Variants in DSG2 observed in about 807,000 individuals in gnomAD.
The protein encoded by DSG2 is desmoglein 2.
Under a neutral mutation model 75.6 loss-of-function variants are expected in DSG2, and 45 were observed. The ratio of observed to expected loss-of-function variants is 0.60; its 90% confidence interval spans 0.47 to 0.76. DSG2 has a LOEUF of 0.76. DSG2 is among the 30% of genes least tolerant of loss of function. The pLI is 0.00. For missense variants in DSG2, 1,267 were observed against 1,357.4 expected (o/e 0.93, Z 1.05); for synonymous variants, 429 against 483.9 (o/e 0.89, Z 1.49).
At chr18:31,527,891 C>T (rs1234633153) in intron 8 of DSG2, among the ~76,000 whole-genome samples, 1 of 152,190 alleles carries the variant, frequency 6.6e-6, no homozygotes, top group Non-Finnish European at 1.5e-5. Context: ...CTTGTTGTAT[C>T]ATCACATAGT....
At chr18:31,529,469 A>G (rs1197592529) in intron 8 of DSG2, among the ~76,000 whole-genome samples, 3 of 152,206 alleles carry the variant, frequency 2.0e-5, no homozygotes, top group Admixed American at 1.3e-4. Flanking sequence ...ACAAGCTTTC[A>G]CAAAGATATT....
chr18:31,548,454 A>G lies in DSG2; in HGVS notation c.*1711A>G, dbSNP rs1202824103. The G allele has an allele frequency of 8.8e-6, 1 of 113,110 alleles. No individual in the cohort carries two copies. Among genetic ancestry groups the G allele is most frequent in the African/African-American group, 4.4e-5 (1 of 22,542 alleles). 7.0% of individuals were successfully genotyped at this position (113,110 alleles called of 1,614,324 possible). A position where few individuals can be genotyped will look rare whatever the true frequency, so the allele number is the denominator to read the frequency against. ...GGATTTATATAGTGTGCTCCCACTA[A>G]CTGTACAGATCAGGACACATATTTT... On this transcript the variant is annotated 3_prime_UTR_variant, in exon 15 of 15. Transcript: ENST00000261590.
intron 2 of DSG2, 141 bp downstream of exon 2, chr18:31,518,415 C>A: frequency 1.4e-6 from 1 of 739,180 alleles, no homozygotes; most frequent in Non-Finnish European, 2.4e-6. Flanking sequence ...TGCAGAGGAG[C>A]TTATCCAGGG....
At chr18:31,524,999 C>A in intron 8 of DSG2, 111 bp downstream of exon 8, 5 of 1,031,758 alleles carry the variant, frequency 4.8e-6, no homozygotes, top group Non-Finnish European at 7.4e-6. Flanking sequence ...AATTAACTAG[C>A]ACTACAGTTG....
rs745617885 is a variant in DSG2 at position 31,546,024 on chromosome 18, A to C, written c.2638A>C (p.Asn880His). The C allele has an allele frequency of 1.3e-5, 21 of 1,614,218 alleles. No homozygotes were observed. The South Asian group carries it at 2.2e-4, about 17-fold the overall frequency. Reference protein sequence around the residue: ...LCEQTMVNSENTYSSGSSFPV... With the variant: ...LCEQTMVNSEHTYSSGSSFPV... ...TGAGCAAACTATGGTTAATTCAGAG[A>C]ATACCTACTCCTCTGGCAGTAGCTT... Residue 880 changes from asparagine (N) to histidine (H), a missense_variant, in exon 15 of 15, where the codon AAT (asparagine) becomes CAT (histidine). Physicochemically the swap from Asn to His is moderately conservative, Grantham distance 68. Coordinates refer to ENST00000261590, the MANE Select transcript of DSG2 (RefSeq NM_001943.5).
Position 31,539,825 on chromosome 18 carries a change from A to G in DSG2, c.1879+847A>G, listed in dbSNP as rs190220842. 1.4e-3 allele frequency among the ~76,000 whole-genome samples: 211 copies of G among 152,278 alleles called. 1 individual carries two copies. Among genetic ancestry groups the G allele is most frequent in the African/African-American group, 4.2e-3 (174 of 41,562 alleles). Reference sequence around the variant, plus strand: ...GTGGTGGAAGAGTGAGTGAAGCTTCATCTGTATTTACAGCCACTCCCCATC... The same window carrying G: ...GTGGTGGAAGAGTGAGTGAAGCTTCGTCTGTATTTACAGCCACTCCCCATC... On this transcript the variant is annotated intron_variant, in intron 12 of 14. Coordinates refer to ENST00000261590, the MANE Select transcript of DSG2 (RefSeq NM_001943.5).
intron 10 of DSG2, among the ~76,000 whole-genome samples, chr18:31,535,733 C>T (rs897656971): frequency 8.0e-5 from 12 of 149,760 alleles, no homozygotes; most frequent in African/African-American, 2.2e-4. Flanking sequence ...GGTAGAGGAG[C>T]GGAGATCGCG....
intron 2 of DSG2, 67 bp from the exon 3 acceptor site, chr18:31,519,736 A>G (rs577946624): frequency 2.0e-5 from 31 of 1,541,484 alleles, no homozygotes; most frequent in Middle Eastern, 3.4e-4. Context: ...ATTATGTTAT[A>G]GGACAGCATA....
At chr18:31,516,858 CA>C (rs2073097146) in intron 1 of DSG2, among the ~76,000 whole-genome samples, 1 of 152,178 alleles carries the variant, frequency 6.6e-6, no homozygotes, top group Non-Finnish European at 1.5e-5. Context: ...GAGTGGCAGG[CA>C]GCAGTCTGCT....
chr18:31,529,051 A>G (rs1290988205), intron 8 of DSG2, among the ~76,000 whole-genome samples: 1 of 152,222 alleles, frequency 6.6e-6, no homozygotes, highest in Non-Finnish European at 1.5e-5. Context: ...AGATGAACGG[A>G]TATTTTTAAA....
At chr18:31,518,091 A>T (rs963641931) in intron 1 of DSG2, 148 bp from the exon 2 acceptor site, 64 of 650,132 alleles carry the variant, frequency 9.8e-5, no homozygotes, top group Non-Finnish European at 1.4e-5. Context: ...CAATGGGAAA[A>T]ATTAGTTTCC....
chr18:31,523,383 A>G (rs1429183758), intron 6 of DSG2, among the ~76,000 whole-genome samples: 1 of 152,188 alleles, frequency 6.6e-6, no homozygotes, highest in Non-Finnish European at 1.5e-5. Context: ...CCTGGGCAAC[A>G]GAGCAAGACT....
intron 8 of DSG2, among the ~76,000 whole-genome samples, chr18:31,529,564 G>A (rs769333751): frequency 2.2e-4 from 33 of 152,290 alleles, no homozygotes; most frequent in Non-Finnish European, 3.7e-4. Flanking sequence ...TTTAAAGGGT[G>A]CAGAAGTTGT....
At position 31,522,249 on chromosome 18, in the gene DSG2, G is replaced by A. The variant is rs767433640; in HGVS notation, c.690G>A (p.Glu230=). The change falls in exon 6 of 15, where the codon GAG becomes GAA. Residue 230 remains glutamate (E), a splice_region_variant and synonymous_variant. Coordinates refer to ENST00000261590, the MANE Select transcript of DSG2 (RefSeq NM_001943.5). ...CAACCAGTGTTACCTTGGACAGAGAGGTAAGTTAATATGTTATGTTGCCCA... is the reference window on the plus strand; with the variant it reads ...CAACCAGTGTTACCTTGGACAGAGAAGTAAGTTAATATGTTATGTTGCCCA... ...IYTTSVTLDR[E]EHSSYTLTVE... 9 of 1,612,648 alleles carry A rather than the reference G, an allele frequency of 5.6e-6. No homozygotes were observed. The South Asian group carries it at 8.8e-5, about 16-fold the overall frequency.
chr18:31,517,812 G>T (rs752840579), intron 1 of DSG2, among the ~76,000 whole-genome samples: 3 of 152,034 alleles, frequency 2.0e-5, no homozygotes, highest in South Asian at 2.1e-4. Context: ...GTGTTTTTTT[G>T]TGTGTGTATA....
At chr18:31,544,554 T>C (rs1242906670) in intron 14 of DSG2, among the ~76,000 whole-genome samples, 4 of 151,892 alleles carry the variant, frequency 2.6e-5, no homozygotes, top group African/African-American at 9.7e-5. Flanking sequence ...AGAAATAAGA[T>C]AATGATGAAT....
intron 3 of DSG2, among the ~76,000 whole-genome samples, chr18:31,520,299 C>G (rs2144314839): frequency 6.6e-6 from 1 of 152,198 alleles, no homozygotes; most frequent in South Asian, 2.1e-4. Context: ...GGTAGGGGGA[C>G]CATCTTCATC....
At chr18:31,502,220 C>A (rs1394392346) in intron 1 of DSG2, among the ~76,000 whole-genome samples, 1 of 152,098 alleles carries the variant, frequency 6.6e-6, no homozygotes, top group Non-Finnish European at 1.5e-5. Context: ...GTTTCCAAGG[C>A]TAATATTCTG....
chr18:31,516,784 A>C (rs2073096901), intron 1 of DSG2, among the ~76,000 whole-genome samples: 1 of 152,210 alleles, frequency 6.6e-6, no homozygotes, highest in South Asian at 2.1e-4. Flanking sequence ...TTGAGAGGAA[A>C]AGTGAGGCAG....
Sources: allele counts gnomAD v4.1 joint callset (sites outside exome capture counted in the v4.1 genomes callset), GRCh38; gene constraint gnomAD v4.1.1; transcripts MANE v1.5; gene names NCBI Gene and HGNC (gene_info 2026-07-23, HGNC 2026-07-21).